Variants in SREBF2 observed in about 807,000 individuals in gnomAD.
SREBF2 encodes the protein sterol regulatory element binding transcription factor 2.
SREBF2 carries 55 observed loss-of-function variants against 113.1 expected under a neutral mutation model. The observed-to-expected ratio is 0.49, with a 90% CI of 0.39 to 0.61. The LOEUF is 0.61. Among genes scored for constraint, SREBF2 ranks in the 20% least tolerant of loss-of-function variants. SREBF2 has a pLI of 0.00. For synonymous variants in SREBF2, 593 were observed against 605.7 expected (o/e 0.98, Z 0.31); for missense variants, 1,349 against 1,487.4 (o/e 0.91, Z 1.53).
At chr22:41,881,466 G>A (rs767129212) in intron 10 of SREBF2, among the ~76,000 whole-genome samples, 6 of 152,200 alleles carry the variant, frequency 3.9e-5, no homozygotes, top group Non-Finnish European at 5.9e-5. Flanking sequence ...GTGGGTACCC[G>A]TTTGGAGGGT....
chr22:41,847,917 ATTAT>A (rs2076892208), intron 1 of SREBF2, among the ~76,000 whole-genome samples: 1 of 83,122 alleles, frequency 1.2e-5, no homozygotes. Context: ...CATTATTATT[ATTAT>A]TTTTTTTTTT....
chr22:41,856,305 T>A (rs908805868), intron 1 of SREBF2, among the ~76,000 whole-genome samples: 1 of 152,006 alleles, frequency 6.6e-6, no homozygotes, highest in Non-Finnish European at 1.5e-5. Flanking sequence ...AAGTTTGTAT[T>A]TTTTGTAGAG....
At chr22:41,871,412 G>A (rs956337200) in intron 4 of SREBF2, among the ~76,000 whole-genome samples, 4 of 152,150 alleles carry the variant, frequency 2.6e-5, no homozygotes, top group African/African-American at 4.8e-5. Flanking sequence ...TCCTTCAGTT[G>A]TAGGTTCTTA....
intron 1 of SREBF2, among the ~76,000 whole-genome samples, chr22:41,857,288 C>T (rs576520411): frequency 1.3e-5 from 2 of 152,230 alleles, no homozygotes; most frequent in East Asian, 1.9e-4. Context: ...GCAGATCCCT[C>T]TCCTGTTCAA....
rs764977781 is a variant in SREBF2, at chr22:41,893,184, G to C, written c.2276G>C (p.Arg759Pro). 1.9e-6 allele frequency: 3 copies of C among 1,614,138 alleles called. No homozygotes were observed. The highest frequency in any genetic ancestry group is 2.5e-6 in the Non-Finnish European group (3 of 1,180,034). Residue 759 changes from arginine to proline, a missense_variant, in exon 12 of 19, where the codon CGC (arginine) becomes CCC (proline). Arg to Pro is a moderately radical substitution (Grantham distance 103). This residue lies in a region of SREBF2 where 650 missense variants were observed against 644.1 expected (regional missense o/e 1.01). Transcript: ENST00000361204. ...PEHSAVPDSL[R>P]WLCHPLGQKF... is the part of the protein sequence containing the mutation. ...CACAGTGCTGTTCCTGACTCCCTGCGCTGGCTCTGCCACCCCCTGGGCCAG... is the reference window on the plus strand; with the variant it reads ...CACAGTGCTGTTCCTGACTCCCTGCCCTGGCTCTGCCACCCCCTGGGCCAG...
intron 1 of SREBF2, among the ~76,000 whole-genome samples, chr22:41,864,294 A>AATAT (rs1177526276): frequency 9.0e-6 from 1 of 111,012 alleles, no homozygotes; most frequent in Non-Finnish European, 1.7e-5. Context: ...AAAATATCAA[A>AATAT]ATATATATAT....
chr22:41,866,553 CAAAAAG>C (rs939555081), intron 1 of SREBF2, among the ~76,000 whole-genome samples: 5 of 151,828 alleles, frequency 3.3e-5, no homozygotes, highest in African/African-American at 1.2e-4. Context: ...GACTCCGTCT[CAAAAAG>C]AAAAAAGAAA....
intron 18 of SREBF2, 106 bp downstream of exon 18, chr22:41,905,080 C>G: frequency 9.3e-7 from 1 of 1,077,064 alleles, no homozygotes; most frequent in Non-Finnish European, 1.4e-6. Context: ...TGGTGCCCAG[C>G]ACACCTCTCG....
intron 1 of SREBF2, among the ~76,000 whole-genome samples, chr22:41,837,266 C>G (rs1032114765): frequency 6.6e-6 from 1 of 151,918 alleles, no homozygotes; most frequent in African/African-American, 2.4e-5. Flanking sequence ...TTTGAAATAC[C>G]CAGATTTTTG....
At chr22:41,896,328 A>G (rs1455187182) in intron 13 of SREBF2, among the ~76,000 whole-genome samples, 1 of 151,968 alleles carries the variant, frequency 6.6e-6, no homozygotes, top group African/African-American at 2.4e-5. Context: ...ATAGGTGCCA[A>G]AGTCACTTTT....
chr22:41,833,531 C>A lies in SREBF2; in HGVS notation c.88+173C>A. 1.9e-6 allele frequency: 1 copy of A among 515,382 alleles called. No individual in the cohort carries two copies. The highest frequency in any genetic ancestry group is 3.3e-6 in the Non-Finnish European group (1 of 304,876). The allele number at this position is 515,382 out of a possible 1,614,324, so 31.9% of individuals were successfully genotyped here. ...CCCTTCCGGCGCTGCGAGCGTGAGC[C>A]CGACCCAGCTGCGCCGCTCCGGGAG... On this transcript the variant is annotated intron_variant, in intron 1 of 18. Coordinates refer to ENST00000361204, the MANE Select transcript of SREBF2 (RefSeq NM_004599.4). This position sits in a 1 kb window ranked among gnomAD's most constrained non-coding sequence, Gnocchi z 4.1.
At chr22:41,841,664 T>C (rs2076831661) in intron 1 of SREBF2, among the ~76,000 whole-genome samples, 1 of 152,188 alleles carries the variant, frequency 6.6e-6, no homozygotes, top group Admixed American at 6.5e-5. Flanking sequence ...AACTAGATCA[T>C]TTCACTCCTC....
chr22:41,858,664 T>G (rs979524394), intron 1 of SREBF2, among the ~76,000 whole-genome samples: 1 of 152,086 alleles, frequency 6.6e-6, no homozygotes, highest in African/African-American at 2.4e-5. Flanking sequence ...GGAGGATCCC[T>G]TAAGCCCAGG....
At chr22:41,843,172 C>T (rs1198507999) in intron 1 of SREBF2, among the ~76,000 whole-genome samples, 1 of 152,152 alleles carries the variant, frequency 6.6e-6, no homozygotes, top group African/African-American at 2.4e-5. Flanking sequence ...ATCTTGATCC[C>T]AGATAGATAC....
intron 1 of SREBF2, among the ~76,000 whole-genome samples, chr22:41,866,444 G>A (rs2077075988): frequency 6.6e-6 from 1 of 152,204 alleles, no homozygotes; most frequent in Non-Finnish European, 1.5e-5. Flanking sequence ...CAGCTACTCA[G>A]GAGGCTGAGG....
intron 1 of SREBF2, among the ~76,000 whole-genome samples, chr22:41,842,179 A>G (rs1224607431): frequency 6.6e-6 from 1 of 152,184 alleles, no homozygotes; most frequent in African/African-American, 2.4e-5. Context: ...AAATACATAA[A>G]AAGGTACTAT....
Position 41,904,947 on chromosome 22 carries a change from C to T in SREBF2, c.3178C>T (p.Arg1060Trp), listed in dbSNP as rs144204879. The T allele has an allele frequency of 2.3e-5, 37 of 1,600,238 alleles. No homozygotes were observed. The highest frequency in any genetic ancestry group is 6.7e-5 in the East Asian group (3 of 44,648). Residue 1060 changes from arginine to tryptophan, a missense_variant, in exon 18 of 19, where the codon CGG (arginine) becomes TGG (tryptophan). Coordinates refer to ENST00000361204, the MANE Select transcript of SREBF2 (RefSeq NM_004599.4). ...CCAGCTGCTGGAACACAGCCTGCGGCGGCGCACCACGCAGAGCACCAAGCA... is the reference window on the plus strand; with the variant it reads ...CCAGCTGCTGGAACACAGCCTGCGGTGGCGCACCACGCAGAGCACCAAGCA... The part of the protein sequence containing the change: ...THQLLEHSLR[R>W]RTTQSTKHGE...
chr22:41,877,253 C>T lies in SREBF2; in HGVS notation c.1411C>T (p.Pro471Ser). 2 of 1,614,232 alleles carry T rather than the reference C, an allele frequency of 1.2e-6. No individual in the cohort carries two copies. Among genetic ancestry groups the T allele is most frequent in the East Asian group, 2.2e-5 (1 of 44,894 alleles). ...AKVKDEPDSPPVALGMVDRSR... is the reference protein window; with the variant it reads ...AKVKDEPDSPSVALGMVDRSR... ...GGTCAAAGATGAGCCAGACTCTCCT[C>T]CTGTGGCGCTGGGCATGGTAGACCG... The change falls in exon 8 of 19, where the codon CCT becomes TCT. Residue 471 changes from proline (P) to serine (S), a missense_variant. Pro to Ser is a moderately conservative substitution (Grantham distance 74). Coordinates refer to ENST00000361204, the MANE Select transcript of SREBF2 (RefSeq NM_004599.4).
At chr22:41,847,920 A>ATT (rs58300625) in intron 1 of SREBF2, among the ~76,000 whole-genome samples, 6,030 of 137,410 alleles carry the variant, frequency 0.044, 198 homozygotes, top group Non-Finnish European at 0.064. Flanking sequence ...TATTATTATT[A>ATT]TTTTTTTTTT....
Sources: allele counts gnomAD v4.1 joint callset (sites outside exome capture counted in the v4.1 genomes callset), GRCh38; gene constraint gnomAD v4.1.1; regional missense constraint gnomAD v4.1.1; non-coding constraint Gnocchi (gnomAD v3.1); transcripts MANE v1.5; gene names NCBI Gene and HGNC (gene_info 2026-07-23, HGNC 2026-07-21).